Variants in SMYD3 observed in about 807,000 individuals in gnomAD.
SMYD3 encodes histone-lysine N-methyltransferase SMYD3.
SMYD3 carries 36 observed loss-of-function variants against 57.7 expected under a neutral mutation model. The observed-to-expected ratio is 0.62, with a 90% CI of 0.48 to 0.82. The LOEUF (loss-of-function observed/expected upper bound fraction) is 0.82, where lower values mean the gene tolerates loss of function less well. Ranked by LOEUF, SMYD3 falls within the 40% of genes least tolerant of loss-of-function variation. The probability of loss-of-function intolerance (pLI) is 0.00; values close to 1 mark genes in which losing one functional copy is unlikely to be tolerated. For missense variants in SMYD3, 515 were observed against 538.8 expected (o/e 0.96, Z 0.44); for synonymous variants, 211 against 195.0 (o/e 1.08, Z -0.68).
chr1:246,298,718 T>C (rs1332938003), intron 5 of SMYD3, among the ~76,000 whole-genome samples: 1 of 152,036 alleles, frequency 6.6e-6, no homozygotes, highest in African/African-American at 2.4e-5. Flanking sequence ...CTTCATCATA[T>C]AAAGAAGGAA....
intron 1 of SMYD3, among the ~76,000 whole-genome samples, chr1:246,378,846 A>AATATATTTATATATTATATATAATTAT (rs2066337317): frequency 8.8e-6 from 1 of 113,040 alleles, no homozygotes; most frequent in African/African-American, 3.5e-5. Context: ...AATTATATAT[A>AATATATTTATATATTATATATAATTAT]ATATATTTAT....
chr1:246,475,474 C>T (rs1253151341), intron 1 of SMYD3, among the ~76,000 whole-genome samples: 2 of 151,986 alleles, frequency 1.3e-5, no homozygotes, highest in African/African-American at 4.8e-5. Flanking sequence ...GAAACACCAC[C>T]TCTACTAAAA....
At chr1:245,837,402 G>A (rs1475673061) in intron 10 of SMYD3, among the ~76,000 whole-genome samples, 2 of 151,934 alleles carry the variant, frequency 1.3e-5, no homozygotes, top group African/African-American at 4.8e-5. Flanking sequence ...CTGAGAGGCT[G>A]GGCAAAGGGG....
intron 5 of SMYD3, among the ~76,000 whole-genome samples, chr1:246,148,905 T>G (rs1435812702): frequency 6.6e-6 from 1 of 152,214 alleles, no homozygotes; most frequent in Non-Finnish European, 1.5e-5. Flanking sequence ...ATTAGCTTAG[T>G]GCACTTGAAG....
chr1:246,354,984 A>G (rs1043621919), intron 2 of SMYD3, 47 bp downstream of exon 2: 1 of 1,552,350 alleles, frequency 6.4e-7, no homozygotes, highest in Non-Finnish European at 8.9e-7. Context: ...CAAATTTAAG[A>G]GTAAAGAATT....
chr1:246,057,207 T>C (rs112695707), intron 5 of SMYD3, among the ~76,000 whole-genome samples: 4 of 152,228 alleles, frequency 2.6e-5, no homozygotes, highest in Non-Finnish European at 4.4e-5. Flanking sequence ...GTGCTTAACA[T>C]AGCGTTAGAG....
At chr1:246,132,787 A>G (rs1406589843) in intron 5 of SMYD3, among the ~76,000 whole-genome samples, 4 of 152,142 alleles carry the variant, frequency 2.6e-5, no homozygotes, top group Admixed American at 2.6e-4. Flanking sequence ...CTCAACAACA[A>G]AAAAGGAAAA....
chr1:246,492,345 C>G (rs1193473833), intron 1 of SMYD3, among the ~76,000 whole-genome samples: 1 of 152,104 alleles, frequency 6.6e-6, no homozygotes, highest in Non-Finnish European at 1.5e-5. Context: ...TTTCCAAGCT[C>G]CCCAGGTGAT....
intron 8 of SMYD3, among the ~76,000 whole-genome samples, chr1:245,877,377 A>T (rs887475817): frequency 2.0e-5 from 3 of 152,246 alleles, no homozygotes; most frequent in Admixed American, 1.3e-4. Context: ...CAGATCAAAG[A>T]ATGAATTTGA....
At chr1:246,191,870 A>G (rs995275236) in intron 5 of SMYD3, among the ~76,000 whole-genome samples, 2 of 152,194 alleles carry the variant, frequency 1.3e-5, no homozygotes, top group African/African-American at 4.8e-5. Flanking sequence ...ACTTGTTCAA[A>G]TGCAGTTGAG....
chr1:246,067,546 T>A (rs1312048322), intron 5 of SMYD3, among the ~76,000 whole-genome samples: 1 of 152,158 alleles, frequency 6.6e-6, no homozygotes, highest in Admixed American at 6.5e-5. Context: ...AATCTTCAGG[T>A]TGCTGTGCAG....
chr1:246,156,381 T>TA (rs1317355714), intron 5 of SMYD3, among the ~76,000 whole-genome samples: 1 of 152,212 alleles, frequency 6.6e-6, no homozygotes, highest in Non-Finnish European at 1.5e-5. Context: ...TTAAATAATT[T>TA]AGATTCTAAA....
intron 5 of SMYD3, among the ~76,000 whole-genome samples, chr1:246,036,856 G>A (rs991310327): frequency 1.1e-4 from 17 of 151,564 alleles, no homozygotes; most frequent in Admixed American, 7.9e-4. Context: ...GAGCCACCAC[G>A]CCTCGCCTTT....
At chr1:246,177,938 C>A (rs531209739) in intron 5 of SMYD3, among the ~76,000 whole-genome samples, 1 of 152,192 alleles carries the variant, frequency 6.6e-6, no homozygotes, top group African/African-American at 2.4e-5. Flanking sequence ...GTGCTACTCT[C>A]TTGGTTCCTG....
chr1:245,928,126 G>T (rs1398667802), intron 6 of SMYD3, 93 bp from the exon 7 acceptor site: 2 of 932,098 alleles, frequency 2.1e-6, no homozygotes, highest in Admixed American at 2.1e-5. Flanking sequence ...CCTTCCTTTG[G>T]GGGGCAGCAG....
intron 10 of SMYD3, among the ~76,000 whole-genome samples, chr1:245,806,915 T>TAAAAAAA: frequency 4.4e-5 from 1 of 22,632 alleles, no homozygotes; most frequent in East Asian, 1.8e-3. Context: ...AGACTCCGTC[T>TAAAAAAA]CAAAAAAAAA....
chr1:246,146,985 GC>G, intron 5 of SMYD3, among the ~76,000 whole-genome samples: 1 of 152,160 alleles, frequency 6.6e-6, no homozygotes, highest in East Asian at 1.9e-4. Context: ...TTGTTAATCG[GC>G]AGGCAGGCGT....
intron 10 of SMYD3, among the ~76,000 whole-genome samples, chr1:245,785,521 G>C (rs59075087): frequency 0.14 from 20,999 of 152,052 alleles, 1,572 homozygotes; most frequent in Admixed American, 0.17. Context: ...ACACTCACTT[G>C]CCTACTCCCA....
At chr1:245,879,428 C>A (rs1263327349) in intron 8 of SMYD3, among the ~76,000 whole-genome samples, 1 of 152,098 alleles carries the variant, frequency 6.6e-6, no homozygotes, top group African/African-American at 2.4e-5. Flanking sequence ...GCGATGGAGA[C>A]GAAGAGTGTA....
Sources: gnomAD v4.1 joint callset for allele counts (sites outside exome capture counted in the v4.1 genomes callset) on GRCh38, gnomAD v4.1.1 for gene constraint, MANE v1.5 for transcripts, NCBI Gene and HGNC (gene_info 2026-07-23, HGNC 2026-07-21) for gene names.